IQSEC3: variants seen among roughly 807,000 people sequenced by gnomAD.
IQSEC3 encodes IQ motif and SEC7 domain-containing protein 3.
A neutral mutation model predicts 105.4 loss-of-function variants in IQSEC3; 50 were observed. That is an observed-to-expected ratio of 0.47 (90% CI 0.38 to 0.60). The LOEUF (loss-of-function observed/expected upper bound fraction) is 0.60. Ranked by LOEUF, IQSEC3 falls within the 20% of genes least tolerant of loss-of-function variation. IQSEC3 has a pLI of 0.00. For missense variants in IQSEC3, 1,415 were observed against 1,630.0 expected, an observed-to-expected ratio of 0.87 and a Z score of 2.27; for synonymous variants, 708 against 746.0, an observed-to-expected ratio of 0.95 and a Z score of 0.83.
rs114559416 is a variant in IQSEC3 at position 154,199 on chromosome 12, C to T, written c.2154-2826C>T. On this transcript the variant is annotated intron_variant, in intron 5 of 13. Coordinates refer to ENST00000538872, the MANE Select transcript of IQSEC3 (RefSeq NM_001170738.2). Reference sequence around the variant, plus strand: ...GGCTCTCAGGCTCTCAGCTCACTACCGGGGCTTTTAGCAGCAGACTTGAGT... The same window carrying T: ...GGCTCTCAGGCTCTCAGCTCACTACTGGGGCTTTTAGCAGCAGACTTGAGT... 5.9e-3 allele frequency among the ~76,000 whole-genome samples: 894 copies of T among 152,346 alleles called. 12 individuals carry two copies. The highest frequency in any genetic ancestry group is 0.02 in the African/African-American group (825 of 41,586).
Position 175,112 on chromosome 12 carries a change from C to G in IQSEC3, c.*79C>G. 1 of 1,113,838 alleles carries G rather than the reference C, an allele frequency of 9.0e-7. No individual in the cohort carries two copies. Among genetic ancestry groups the G allele is most frequent in the East Asian group, 2.6e-5 (1 of 38,350 alleles). The allele number at this position is 1,113,838 out of a possible 1,614,324, so 69.0% of individuals were successfully genotyped here. On this transcript the variant is annotated 3_prime_UTR_variant, in exon 14 of 14. Coordinates refer to ENST00000538872, the MANE Select transcript of IQSEC3 (RefSeq NM_001170738.2). ...GCTGCCCCTCCACTGCTCCCCATAC[C>G]CTGGCACGATGCGTTCCTGGTCACT...
rs782124705 is a variant in IQSEC3 at position 171,176 on chromosome 12, G to C, written c.3114+15G>C. 2.6e-5 allele frequency: 42 copies of C among 1,613,944 alleles called. No homozygotes were observed. The highest frequency in any genetic ancestry group is 1.2e-4 in the Admixed American group (7 of 60,000). On this transcript the variant is annotated intron_variant, in intron 13 of 13. Coordinates refer to ENST00000538872, the MANE Select transcript of IQSEC3 (RefSeq NM_001170738.2). ...GCACGGTGGAGGTAAGTGGAGCCCT[G>C]GTTGCCCAGGTGAGTGACTACCCTG...
At chr12:173,103 CA>C (rs1410481717) in intron 13 of IQSEC3, among the ~76,000 whole-genome samples, 1 of 152,176 alleles carries the variant, frequency 6.6e-6, no homozygotes, top group African/African-American at 2.4e-5. Context: ...AGAATACAAG[CA>C]GGAGGGGAGA....
chr12:126,014 C>G, intron 3 of IQSEC3, 102 bp downstream of exon 3: 1 of 1,179,772 alleles, frequency 8.5e-7, no homozygotes, highest in Non-Finnish European at 1.2e-6. Flanking sequence ...CCCTCCGCTA[C>G]AGGCACACCT....
intron 8 of IQSEC3, among the ~76,000 whole-genome samples, chr12:163,041 T>C (rs1216906346): frequency 6.6e-6 from 1 of 151,990 alleles, no homozygotes; most frequent in Non-Finnish European, 1.5e-5. Flanking sequence ...ATGACAGGGA[T>C]GAGCCCTGGG....
rs529237458 is a variant in IQSEC3, at chr12:90,935, T to C, written c.555-8211T>C. Among the ~76,000 whole-genome samples the C allele has an allele frequency of 4.4e-3, 665 of 152,286 alleles. 5 individuals carry two copies. Among genetic ancestry groups the C allele is most frequent in the African/African-American group, 0.014 (602 of 41,560 alleles). On this transcript the variant is annotated intron_variant, in intron 1 of 13. Coordinates refer to ENST00000538872, the MANE Select transcript of IQSEC3 (RefSeq NM_001170738.2). ...AGAGAAAGTGGAAAAAAATCCAGTC[T>C]GCAGGCTCCACCAGCAGTAGTGATG... is the stretch of plus-strand genomic sequence containing the variant.
chr12:126,266 T>C (rs1173628922), intron 3 of IQSEC3, among the ~76,000 whole-genome samples: 1 of 152,180 alleles, frequency 6.6e-6, no homozygotes, highest in Non-Finnish European at 1.5e-5. Flanking sequence ...TTAGAGGCCA[T>C]AGTCCAGCTT....
intron 1 of IQSEC3, among the ~76,000 whole-genome samples, 191 bp from the exon 2 acceptor site, chr12:98,955 G>A (rs1432831558): frequency 1.1e-4 from 16 of 152,274 alleles, no homozygotes; most frequent in Admixed American, 5.9e-4. Flanking sequence ...GATTTAAGAG[G>A]CCTCTGATGG....
intron 1 of IQSEC3, among the ~76,000 whole-genome samples, chr12:78,122 T>TCCCCAAC (rs1196284409): frequency 1.3e-5 from 2 of 150,612 alleles, no homozygotes; most frequent in Non-Finnish European, 1.5e-5. Flanking sequence ...CGCCCCCGCC[T>TCCCCAAC]CCCCGCGCCC....
chr12:116,890 A>C (rs1184312460), intron 2 of IQSEC3, among the ~76,000 whole-genome samples: 1 of 152,214 alleles, frequency 6.6e-6, no homozygotes, highest in African/African-American at 2.4e-5. Context: ...CAGGACAGGG[A>C]TTCTTCTGAG....
rs79524446 is a variant in IQSEC3 at position 176,728 on chromosome 12, G to A, written c.*1695G>A. On this transcript the variant is annotated 3_prime_UTR_variant, in exon 14 of 14. Coordinates refer to ENST00000538872, the MANE Select transcript of IQSEC3 (RefSeq NM_001170738.2). The surrounding 1 kb of genome is among the most constrained non-coding windows in gnomAD (Gnocchi z 4.0). ...AGTTTCTGTAACTTGCAGCCAATTTGCCCTCTCCCCTGTGGCTGCCAGCCC... is the reference window on the plus strand; with the variant it reads ...AGTTTCTGTAACTTGCAGCCAATTTACCCTCTCCCCTGTGGCTGCCAGCCC... 0.014 allele frequency: 2,128 copies of A among 152,400 alleles called. 56 individuals carry two copies. The highest frequency in any genetic ancestry group is 0.048 in the African/African-American group (1,994 of 41,524). The allele number at this position is 152,400 out of a possible 1,614,324, so 9.4% of individuals were successfully genotyped here.
chr12:90,990 G>C (rs1249466770), intron 1 of IQSEC3, among the ~76,000 whole-genome samples: 2 of 152,142 alleles, frequency 1.3e-5, no homozygotes, highest in African/African-American at 4.8e-5. Context: ...GGATGGGGCA[G>C]GTGACCAGAA....
intron 3 of IQSEC3, among the ~76,000 whole-genome samples, chr12:126,572 T>TGTGTGTGTGTGTGTGC (rs1260117695): frequency 1.8e-4 from 27 of 151,500 alleles, no homozygotes; most frequent in African/African-American, 2.9e-4. Context: ...TGTGTGTGTG[T>TGTGTGTGTGTGTGTGC]GCGCTTAGAG....
chr12:84,306 A>T (rs1274676807), intron 1 of IQSEC3, among the ~76,000 whole-genome samples: 2 of 152,248 alleles, frequency 1.3e-5, no homozygotes, highest in African/African-American at 4.8e-5. Flanking sequence ...TGCAGCCACA[A>T]GATGAATGGT....
intron 1 of IQSEC3, among the ~76,000 whole-genome samples, chr12:88,647 T>C (rs1591639976): frequency 1.3e-5 from 2 of 152,240 alleles, no homozygotes; most frequent in South Asian, 4.2e-4. Flanking sequence ...TCTACAGCCT[T>C]TTGCCCCGGC....
At chr12:79,620 G>A (rs577375814) in intron 1 of IQSEC3, among the ~76,000 whole-genome samples, 4 of 152,042 alleles carry the variant, frequency 2.6e-5, no homozygotes, top group East Asian at 1.9e-4. Flanking sequence ...TTGTAGAGAC[G>A]GAGGCCTCCC....
At chr12:78,913 C>A (rs1162665019) in intron 1 of IQSEC3, among the ~76,000 whole-genome samples, 1 of 152,018 alleles carries the variant, frequency 6.6e-6, no homozygotes, top group Admixed American at 6.6e-5. Context: ...GGCCTCACCA[C>A]CCCCCACCCT....
chr12:121,238 G>A (rs10849575), intron 2 of IQSEC3, among the ~76,000 whole-genome samples: 86,378 of 152,126 alleles, frequency 0.57, 25,179 homozygotes, highest in East Asian at 0.69. Context: ...GAGCTAGAGC[G>A]ATGGGCTTCC....
Position 167,576 on chromosome 12 carries a change from G to GAAAA in IQSEC3, c.2972-1426_2972-1423dup, listed in dbSNP as rs59241356. ...GGAGACAGGGAGGAAAGGAAGCCAG[G>GAAAA]AAAAAAAAAAAAAAGAAAATGGGCT... On this transcript the variant is annotated intron_variant, in intron 11 of 13. Transcript: ENST00000538872. 2.3e-3 allele frequency: 322 copies of GAAAA among 138,338 alleles called. 4 individuals carry two copies. The highest frequency in any genetic ancestry group is 0.013 in the East Asian group (61 of 4,740). The allele number at this position is 138,338 out of a possible 1,614,324, so 8.6% of individuals were successfully genotyped here.
Sources: allele counts gnomAD v4.1 joint callset (sites outside exome capture counted in the v4.1 genomes callset), GRCh38; gene constraint gnomAD v4.1.1; non-coding constraint Gnocchi (gnomAD v3.1); transcripts MANE v1.5; gene names NCBI Gene and HGNC (gene_info 2026-07-23, HGNC 2026-07-21).